STARD13: variants seen among roughly 807,000 people sequenced by gnomAD.
STARD13 encodes stAR-related lipid transfer protein 13.
Under a neutral mutation model 106.4 loss-of-function variants are expected in STARD13, and 62 were observed. The observed-to-expected ratio is 0.58, with a 90% CI of 0.48 to 0.72. The LOEUF (loss-of-function observed/expected upper bound fraction) is 0.72, where lower values mean the gene tolerates loss of function less well. Among genes scored for constraint, STARD13 ranks in the 30% least tolerant of loss-of-function variants. The pLI, the probability that STARD13 is intolerant of heterozygous loss-of-function variation, is 0.00. For synonymous variants in STARD13, 565 were observed against 553.0 expected (o/e 1.02, Z -0.31); for missense variants, 1,387 against 1,424.0 (o/e 0.97, Z 0.42).
At chr13:33,635,379 G>T in the STARD13 span, among the ~76,000 whole-genome samples, 748 of 152,320 alleles carry the variant, frequency 4.9e-3, 8 homozygotes, top group Middle Eastern at 0.051. Flanking sequence ...CACTTAGCAG[G>T]CCGGTTGTGG....
At chr13:33,227,818 T>C (rs1327004240) in intron 1 of STARD13, among the ~76,000 whole-genome samples, 2 of 152,036 alleles carry the variant, frequency 1.3e-5, no homozygotes, top group African/African-American at 4.8e-5. Context: ...GAAAAAGTCT[T>C]TACTAGATGC....
the STARD13 span, among the ~76,000 whole-genome samples, chr13:33,386,723 C>T: frequency 6.6e-6 from 1 of 152,100 alleles, no homozygotes; most frequent in Non-Finnish European, 1.5e-5. Context: ...TTCCTGGGCC[C>T]TCCAAAGTCC....
the STARD13 span, among the ~76,000 whole-genome samples, chr13:33,400,622 A>G: frequency 0.069 from 10,503 of 152,152 alleles, 465 homozygotes; most frequent in Non-Finnish European, 0.1. Flanking sequence ...CACCATGCCC[A>G]GCTAATTTTT....
the STARD13 span, among the ~76,000 whole-genome samples, chr13:33,570,014 A>G: frequency 1.4e-5 from 2 of 147,420 alleles, no homozygotes; most frequent in African/African-American, 5.0e-5. Context: ...AATCACCACT[A>G]AAGAACTTAT....
chr13:33,328,490 T>C (rs143906490), intron 1 of STARD13, among the ~76,000 whole-genome samples: 52 of 152,344 alleles, frequency 3.4e-4, no homozygotes, highest in African/African-American at 1.2e-3. Context: ...TGCTAACTAT[T>C]GTCGGTTTTT....
chr13:33,277,796 T>G (rs563778499), intron 1 of STARD13: 94 of 152,290 alleles, frequency 6.2e-4, no homozygotes, highest in African/African-American at 1.8e-3. Flanking sequence ...TTCTTGATGT[T>G]ATAATTATTA....
intron 1 of STARD13, among the ~76,000 whole-genome samples, chr13:33,328,115 A>T (rs2077797696): frequency 6.6e-6 from 1 of 152,242 alleles, no homozygotes; most frequent in African/African-American, 2.4e-5. Flanking sequence ...TTGAATTAAT[A>T]TACTTGAGTG....
the STARD13 span, among the ~76,000 whole-genome samples, chr13:33,477,297 C>A: frequency 6.6e-6 from 1 of 152,184 alleles, no homozygotes; most frequent in Non-Finnish European, 1.5e-5. Flanking sequence ...CCATCTCCAT[C>A]CTGTCTGGCC....
chr13:33,434,107 C>G, the STARD13 span, among the ~76,000 whole-genome samples: 2 of 152,124 alleles, frequency 1.3e-5, no homozygotes, highest in African/African-American at 4.8e-5. Context: ...AATCCCAACT[C>G]TTTAGGACGC....
chr13:33,516,174 A>T, the STARD13 span, among the ~76,000 whole-genome samples: 1 of 147,818 alleles, frequency 6.8e-6, no homozygotes, highest in Non-Finnish European at 1.5e-5. Context: ...TGTATATATA[A>T]TTCATATATA....
At chr13:33,617,583 A>C in the STARD13 span, among the ~76,000 whole-genome samples, 2 of 152,260 alleles carry the variant, frequency 1.3e-5, no homozygotes, top group East Asian at 3.9e-4. Context: ...CCATATCATC[A>C]TTTTTTCTTT....
chr13:33,169,011 T>TCCCCA (rs1379188146), intron 1 of STARD13, among the ~76,000 whole-genome samples: 1 of 152,194 alleles, frequency 6.6e-6, no homozygotes, highest in East Asian at 1.9e-4. Flanking sequence ...TAATCTACTG[T>TCCCCA]TACTCCAGGG....
rs1566010419 is a variant in STARD13, at chr13:33,130,416, G to C, written c.388-127C>G. On this transcript the variant is annotated intron_variant, in intron 4 of 13. Transcript: ENST00000336934. The surrounding 1 kb of genome is among the most constrained non-coding windows in gnomAD (Gnocchi z 4.1). ...CCTCTGTCCTCCCATGCACAGGTGTGAGCTTCTTGGGCACCTCTAAGCTGT... is the reference window on the plus strand; with the variant it reads ...CCTCTGTCCTCCCATGCACAGGTGTCAGCTTCTTGGGCACCTCTAAGCTGT... The C allele has an allele frequency of 1.4e-5, 12 of 858,988 alleles. No homozygotes were observed. The highest frequency in any genetic ancestry group is 2.1e-5 in the Non-Finnish European group (12 of 561,132). The allele number at this position is 858,988 out of a possible 1,614,324, so 53.2% of individuals were successfully genotyped here.
chr13:33,255,163 C>T (rs1890295847), intron 1 of STARD13, among the ~76,000 whole-genome samples: 1 of 151,892 alleles, frequency 6.6e-6, no homozygotes, highest in Admixed American at 6.6e-5. Flanking sequence ...CCTTGTTGCA[C>T]ATCCTACGAG....
intron 1 of STARD13, among the ~76,000 whole-genome samples, chr13:33,204,765 T>C (rs2138111352): frequency 6.6e-6 from 1 of 152,372 alleles, no homozygotes; most frequent in African/African-American, 2.4e-5. Flanking sequence ...TACCGGAAGA[T>C]AAATGATTCC....
chr13:33,625,530 A>T, the STARD13 span, among the ~76,000 whole-genome samples: 2 of 152,006 alleles, frequency 1.3e-5, no homozygotes. Context: ...AGATTGCACC[A>T]CTGCACTCCA....
the STARD13 span, among the ~76,000 whole-genome samples, chr13:33,595,082 C>T: frequency 6.6e-6 from 1 of 152,206 alleles, no homozygotes; most frequent in Non-Finnish European, 1.5e-5. Flanking sequence ...AACTTCCAAA[C>T]TGTTTTAGGA....
At chr13:33,671,437 T>C in the STARD13 span, among the ~76,000 whole-genome samples, 1 of 152,244 alleles carries the variant, frequency 6.6e-6, no homozygotes, top group Non-Finnish European at 1.5e-5. Flanking sequence ...GCATATGTTA[T>C]TTTAAAATCC....
In STARD13 at chr13:33,138,621, ACTGGAGCTACGTGGCCGGGCCTGCCTGT is replaced by A. The variant is rs1200363615; in HGVS notation, c.387+3661_387+3688del. On this transcript the variant is annotated intron_variant, in intron 4 of 13. Coordinates refer to ENST00000336934, the MANE Select transcript of STARD13 (RefSeq NM_178006.4). ...TAGTCACATAGAAATTTAGACGTTAACTGGAGCTACGTGGCCGGGCCTGCCTGTTTGGAAGCAGGAATGGGCCGCTGGG... is the reference window on the plus strand; with the variant it reads ...TAGTCACATAGAAATTTAGACGTTAATTGGAAGCAGGAATGGGCCGCTGGG... The A allele has an allele frequency of 2.5e-5, 6 of 237,720 alleles. No individual in the cohort carries two copies. In the East Asian group the frequency reaches 8.2e-4, roughly 32 times the overall value. The allele number at this position is 237,720 out of a possible 1,614,324, so 14.7% of individuals were successfully genotyped here.
Sources: allele counts gnomAD v4.1 joint callset (sites outside exome capture counted in the v4.1 genomes callset), GRCh38; gene constraint gnomAD v4.1.1; non-coding constraint Gnocchi (gnomAD v3.1); transcripts MANE v1.5; gene names NCBI Gene and HGNC (gene_info 2026-07-23, HGNC 2026-07-21).